Variants in HS6ST1 observed in about 807,000 individuals in gnomAD.
HS6ST1 encodes heparan sulfate 6-O-sulfotransferase 1.
Under a neutral mutation model 25.2 loss-of-function variants are expected in HS6ST1, and 3 were observed. The ratio of observed to expected loss-of-function variants is 0.12; its 90% CI spans 0.05 to 0.31. HS6ST1 has a LOEUF of 0.31. Among genes scored for constraint, HS6ST1 ranks in the 10% least tolerant of loss-of-function variants. The pLI, the probability that HS6ST1 is intolerant of heterozygous loss-of-function variation, is 1.00. For missense variants in HS6ST1, 310 were observed against 609.6 expected (o/e 0.51, Z 5.18); for synonymous variants, 204 against 275.1 (o/e 0.74, Z 2.56).
intron 1 of HS6ST1, among the ~76,000 whole-genome samples, chr2:128,316,759 GCCCC>G (rs137942684): frequency 0.03 from 4,524 of 152,074 alleles, 233 homozygotes; most frequent in African/African-American, 0.1. Context: ...GTGGGAAGAT[GCCCC>G]TCCAACTCTA....
chr2:128,291,373 G>A (rs1013381937), intron 1 of HS6ST1, among the ~76,000 whole-genome samples: 3 of 152,262 alleles, frequency 2.0e-5, no homozygotes, highest in Non-Finnish European at 4.4e-5. Context: ...TGCGCTCAGT[G>A]AGGTGTGAGT....
rs1425338429 is a variant in HS6ST1 at position 128,267,913 on chromosome 2, G to A, written c.*249C>T. ...TCCAGGCACAACACCTGCTCTGGAGGCCCTGCCCTGACCATGGCATCCTTC... is the reference window on the plus strand; with the variant it reads ...TCCAGGCACAACACCTGCTCTGGAGACCCTGCCCTGACCATGGCATCCTTC... On this transcript the variant is annotated 3_prime_UTR_variant, in exon 2 of 2. Transcript: ENST00000259241. 1 of 594,928 alleles carries A rather than the reference G, an allele frequency of 1.7e-6. No homozygotes were observed. Among genetic ancestry groups the A allele is most frequent in the Non-Finnish European group, 3.0e-6 (1 of 334,348 alleles). The allele number at this position is 594,928 out of a possible 1,614,324, so 36.9% of individuals were successfully genotyped here. A position where few individuals can be genotyped will look rare whatever the true frequency, so the allele number is the denominator to read the frequency against.
Position 128,268,102 on chromosome 2 carries a change from C to T in HS6ST1, c.*60G>A, listed in dbSNP as rs1430057888. 1.9e-5 allele frequency: 23 copies of T among 1,212,168 alleles called. No homozygotes were observed. Among genetic ancestry groups the T allele is most frequent in the East Asian group, 1.3e-4 (5 of 39,570 alleles). 75.1% of individuals were successfully genotyped at this position (1,212,168 alleles called of 1,614,324 possible). A position where few individuals can be genotyped will look rare whatever the true frequency, so the allele number is the denominator to read the frequency against. On this transcript the variant is annotated 3_prime_UTR_variant, in exon 2 of 2. Transcript: ENST00000259241. ...CCTTGACAGTCTTGGGTGGACCTGT[C>T]GTCTGTCCTGTTTTATCCCCCACAC...
At chr2:128,302,215 G>A (rs573997977) in intron 1 of HS6ST1, among the ~76,000 whole-genome samples, 1 of 152,278 alleles carries the variant, frequency 6.6e-6, no homozygotes, top group Admixed American at 6.5e-5. Context: ...AGGATACCTG[G>A]TCTCAGGCCC....
intron 1 of HS6ST1, among the ~76,000 whole-genome samples, chr2:128,315,122 C>T (rs763100694): frequency 2.0e-5 from 3 of 152,202 alleles, no homozygotes; most frequent in Non-Finnish European, 2.9e-5. Flanking sequence ...CTTACAAGCA[C>T]CCTGGCTGAT....
chr2:128,308,218 G>A (rs1337056146), intron 1 of HS6ST1, among the ~76,000 whole-genome samples: 2 of 152,192 alleles, frequency 1.3e-5, no homozygotes, highest in East Asian at 3.9e-4. Context: ...GTGGGGTGGA[G>A]CACAGTGCAT....
intron 1 of HS6ST1, among the ~76,000 whole-genome samples, chr2:128,285,115 T>C (rs1693841048): frequency 6.6e-6 from 1 of 152,072 alleles, no homozygotes; most frequent in Non-Finnish European, 1.5e-5. Flanking sequence ...GTGCTCTAGG[T>C]CGCCGACCAC....
intron 1 of HS6ST1, among the ~76,000 whole-genome samples, chr2:128,310,213 G>A (rs1252030986): frequency 1.3e-5 from 2 of 152,174 alleles, no homozygotes; most frequent in African/African-American, 2.4e-5. Context: ...GCCCTCCACC[G>A]CAGCCTCAGC....
At chr2:128,299,903 C>T (rs779237546) in intron 1 of HS6ST1, among the ~76,000 whole-genome samples, 2 of 152,188 alleles carry the variant, frequency 1.3e-5, no homozygotes, top group African/African-American at 2.4e-5. Context: ...TGTGGCAGCA[C>T]AAACACCAGC....
Position 128,296,830 on chromosome 2 carries a change from C to T in HS6ST1, c.527+21207G>A, listed in dbSNP as rs142102664. On this transcript the variant is annotated intron_variant, in intron 1 of 1. Coordinates refer to ENST00000259241, the MANE Select transcript of HS6ST1 (RefSeq NM_004807.3). ...GATTTAATGAAATCCCTATCACAACCCCAACAGTATTTGCTGCATAAATAG... is the reference window on the plus strand; with the variant it reads ...GATTTAATGAAATCCCTATCACAACTCCAACAGTATTTGCTGCATAAATAG... Among the ~76,000 whole-genome samples the T allele has an allele frequency of 2.4e-3, 360 of 152,276 alleles. 1 individual carries two copies. Among genetic ancestry groups the T allele is most frequent in the African/African-American group, 8.1e-3 (336 of 41,556 alleles).
In HS6ST1 at chr2:128,294,339, C is replaced by T. The variant is rs139557014; in HGVS notation, c.527+23698G>A. Among the ~76,000 whole-genome samples the T allele has an allele frequency of 2.4e-3, 361 of 152,324 alleles. 1 individual carries two copies. The highest frequency in any genetic ancestry group is 8.1e-3 in the African/African-American group (337 of 41,576). On this transcript the variant is annotated intron_variant, in intron 1 of 1. Coordinates refer to ENST00000259241, the MANE Select transcript of HS6ST1 (RefSeq NM_004807.3). ...GTGATGGAGGGCCCCGGGCCCTGCCCATGAAGTGCCGCAGTCCCCGAGGGA... is the reference window on the plus strand; with the variant it reads ...GTGATGGAGGGCCCCGGGCCCTGCCTATGAAGTGCCGCAGTCCCCGAGGGA...
intron 1 of HS6ST1, among the ~76,000 whole-genome samples, chr2:128,309,384 C>T (rs1413931013): frequency 6.6e-6 from 1 of 152,254 alleles, no homozygotes; most frequent in Non-Finnish European, 1.5e-5. Flanking sequence ...CCAGAGATGT[C>T]CACCTGATAC....
chr2:128,309,787 G>A (rs1399693001), intron 1 of HS6ST1, among the ~76,000 whole-genome samples: 1 of 152,194 alleles, frequency 6.6e-6, no homozygotes, highest in African/African-American at 2.4e-5. Context: ...CCCTGGCCCC[G>A]CGGTCAGTCT....
chr2:128,282,665 AGCCC>A (rs1340106198), intron 1 of HS6ST1, among the ~76,000 whole-genome samples: 21 of 152,148 alleles, frequency 1.4e-4, no homozygotes, highest in Admixed American at 4.6e-4. Flanking sequence ...AGGCTGCTTG[AGCCC>A]CACCTCTGTG....
chr2:128,314,298 C>T (rs989624791), intron 1 of HS6ST1, among the ~76,000 whole-genome samples: 2 of 152,172 alleles, frequency 1.3e-5, no homozygotes, highest in Non-Finnish European at 2.9e-5. Flanking sequence ...ACACTCAAGA[C>T]TGACTCCGTG....
Position 128,273,252 on chromosome 2 carries a change from C to T in HS6ST1, c.528-4382G>A, listed in dbSNP as rs1278242419. On this transcript the variant is annotated intron_variant, in intron 1 of 1. Coordinates refer to ENST00000259241, the MANE Select transcript of HS6ST1 (RefSeq NM_004807.3). Reference sequence around the variant, plus strand: ...TAAGGCCCAATGGCTTACGCTGTCCCCACGGCTCCCTGTGCACCTTCTCTG... The same window carrying T: ...TAAGGCCCAATGGCTTACGCTGTCCTCACGGCTCCCTGTGCACCTTCTCTG... 2.0e-5 allele frequency among the ~76,000 whole-genome samples: 3 copies of T among 152,342 alleles called. No homozygotes were observed. The East Asian group carries it at 5.8e-4, about 29-fold the overall frequency.
At chr2:128,307,675 T>C (rs1020037168) in intron 1 of HS6ST1, among the ~76,000 whole-genome samples, 4 of 152,230 alleles carry the variant, frequency 2.6e-5, no homozygotes, top group Non-Finnish European at 5.9e-5. Flanking sequence ...GGTAAGATGC[T>C]ATCTCTCTGC....
intron 1 of HS6ST1, among the ~76,000 whole-genome samples, chr2:128,289,160 T>A (rs1693911212): frequency 6.6e-6 from 1 of 152,026 alleles, no homozygotes; most frequent in Non-Finnish European, 1.5e-5. Context: ...AACTGCAGTA[T>A]CCAACTCTAT....
intron 1 of HS6ST1, among the ~76,000 whole-genome samples, chr2:128,317,793 G>C (rs1694396692): frequency 6.6e-6 from 1 of 152,192 alleles, no homozygotes; most frequent in Non-Finnish European, 1.5e-5. Context: ...CAAGCCGGCA[G>C]TAGGGCAGCA....
Sources: allele counts gnomAD v4.1 joint callset (sites outside exome capture counted in the v4.1 genomes callset), GRCh38; gene constraint gnomAD v4.1.1; transcripts MANE v1.5; gene names NCBI Gene and HGNC (gene_info 2026-07-23, HGNC 2026-07-21).